RAB7A: variants seen among roughly 807,000 people sequenced by gnomAD.
RAB7A encodes ras-related protein Rab-7a.
In RAB7A, 2 loss-of-function variants were observed where a neutral mutation model predicts 24.5. The observed-to-expected ratio is 0.08, with a 90% CI of 0.03 to 0.26. The LOEUF (loss-of-function observed/expected upper bound fraction) is 0.26, where lower values mean the gene tolerates loss of function less well. Ranked by LOEUF, RAB7A falls within the 10% of genes least tolerant of loss-of-function variation. The pLI, the probability that RAB7A is intolerant of heterozygous loss-of-function variation, is 1.00. For synonymous variants in RAB7A, 100 were observed against 95.9 expected, an observed-to-expected ratio of 1.04 and a Z score of -0.25; for missense variants, 118 against 255.7, an observed-to-expected ratio of 0.46 and a Z score of 3.67.
rs553140530 is a variant in RAB7A at position 128,800,197 on chromosome 3, A to G, written c.180+2128A>G. ...TTAAGAGCAACTATAGAAAAAAAAG[A>G]CATGACTTATAAAGGAACAACAGAC... is the stretch of plus-strand genomic sequence containing the variant. On this transcript the variant is annotated intron_variant, in intron 3 of 5. Coordinates refer to ENST00000265062, the MANE Select transcript of RAB7A (RefSeq NM_004637.6). Among the ~76,000 whole-genome samples the G allele has an allele frequency of 3.3e-5, 5 of 152,368 alleles. No homozygotes were observed. In the Middle Eastern group the frequency reaches 0.014, roughly 415 times the overall value.
intron 3 of RAB7A, among the ~76,000 whole-genome samples, chr3:128,799,692 A>G (rs900034658): frequency 6.6e-6 from 1 of 152,236 alleles, no homozygotes; most frequent in African/African-American, 2.4e-5. Flanking sequence ...AAGCAAGTCA[A>G]GCTTGAGAGT....
intron 4 of RAB7A, among the ~76,000 whole-genome samples, chr3:128,807,252 G>T (rs1367544519): frequency 6.6e-6 from 1 of 152,196 alleles, no homozygotes; most frequent in Non-Finnish European, 1.5e-5. Context: ...TCCCGGACTG[G>T]CTTCTTACTC....
chr3:128,748,221 CCTT>C lies in RAB7A; in HGVS notation c.-9+21865_-9+21867del, dbSNP rs1161355719. 4.6e-5 allele frequency among the ~76,000 whole-genome samples: 7 copies of C among 152,286 alleles called. No individual in the cohort carries two copies. The East Asian group carries it at 9.7e-4, about 21-fold the overall frequency. ...AGATTATCGTTGGGGACAGGTGACTCCTTCTGGGTTTCCTCCACTGCTGCTGGT... is the reference window on the plus strand; with the variant it reads ...AGATTATCGTTGGGGACAGGTGACTCCTGGGTTTCCTCCACTGCTGCTGGT... On this transcript the variant is annotated intron_variant, in intron 1 of 5. Transcript: ENST00000265062.
intron 1 of RAB7A, among the ~76,000 whole-genome samples, chr3:128,745,291 T>C (rs986838771): frequency 1.3e-5 from 2 of 152,238 alleles, no homozygotes; most frequent in Non-Finnish European, 2.9e-5. Flanking sequence ...ACAGCAAAAT[T>C]AGATGTGACC....
intron 1 of RAB7A, among the ~76,000 whole-genome samples, chr3:128,778,944 A>G (rs114510414): frequency 6.6e-6 from 1 of 152,240 alleles, no homozygotes; most frequent in Non-Finnish European, 1.5e-5. Context: ...AGAACTACAC[A>G]GAGACAGAAT....
intron 3 of RAB7A, among the ~76,000 whole-genome samples, chr3:128,800,961 G>A (rs372014960): frequency 6.6e-6 from 1 of 152,182 alleles, no homozygotes; most frequent in Non-Finnish European, 1.5e-5. Flanking sequence ...CTGCACAAAG[G>A]CGTCATTATC....
chr3:128,813,191 G>A, intron 5 of RAB7A, 136 bp from the exon 6 acceptor site: 1 of 833,068 alleles, frequency 1.2e-6, no homozygotes, highest in South Asian at 1.3e-5. Context: ...AACTGTGTGG[G>A]CAGGCTCTGC....
At chr3:128,740,617 C>G (rs764164862) in intron 1 of RAB7A, among the ~76,000 whole-genome samples, 1 of 151,824 alleles carries the variant, frequency 6.6e-6, no homozygotes, top group Non-Finnish European at 1.5e-5. Flanking sequence ...TTTGGCCAGG[C>G]CTGGTGGGTC....
At chr3:128,753,372 G>A (rs1217848175) in intron 1 of RAB7A, among the ~76,000 whole-genome samples, 2 of 150,042 alleles carry the variant, frequency 1.3e-5, no homozygotes, top group East Asian at 4.0e-4. Context: ...GAAGGGGGGG[G>A]AAAAAGAATG....
chr3:128,759,637 C>T (rs373427335), intron 1 of RAB7A, among the ~76,000 whole-genome samples: 3 of 152,140 alleles, frequency 2.0e-5, no homozygotes, highest in African/African-American at 4.8e-5. Context: ...TTTGCTTGGG[C>T]GTTACAACAC....
intron 2 of RAB7A, among the ~76,000 whole-genome samples, chr3:128,795,713 T>C (rs1455113159): frequency 1.4e-5 from 2 of 147,666 alleles, no homozygotes; most frequent in Non-Finnish European, 3.0e-5. Flanking sequence ...CTTCCTTACG[T>C]AGATGTATTG....
intron 3 of RAB7A, chr3:128,798,822 A>AC: frequency 2.0e-5 from 1 of 49,426 alleles, no homozygotes; most frequent in South Asian, 4.9e-4. Flanking sequence ...CTCTAAATTT[A>AC]AAAAAAAAAA....
At chr3:128,805,636 T>C (rs1933786988) in intron 3 of RAB7A, among the ~76,000 whole-genome samples, 1 of 152,212 alleles carries the variant, frequency 6.6e-6, no homozygotes, top group African/African-American at 2.4e-5. Context: ...TGCTAATCTT[T>C]TTTGTTGTTT....
intron 3 of RAB7A, among the ~76,000 whole-genome samples, chr3:128,799,417 A>C (rs531979101): frequency 6.6e-6 from 1 of 152,126 alleles, no homozygotes. Context: ...GTTCTTTCCT[A>C]TGTGCTTCTA....
intron 1 of RAB7A, among the ~76,000 whole-genome samples, chr3:128,757,105 A>G (rs1559784479): frequency 2.6e-5 from 4 of 152,050 alleles, no homozygotes; most frequent in Admixed American, 2.6e-4. Context: ...TCCACCTCCC[A>G]AAGTGCTGGG....
chr3:128,745,923 C>A (rs868147017), intron 1 of RAB7A, among the ~76,000 whole-genome samples: 1 of 152,252 alleles, frequency 6.6e-6, no homozygotes, highest in Non-Finnish European at 1.5e-5. Flanking sequence ...GGTCACACAG[C>A]AATGTGGGCT....
In RAB7A at chr3:128,750,769, G is replaced by A. The variant is rs192126069; in HGVS notation, c.-9+24410G>A. On this transcript the variant is annotated intron_variant, in intron 1 of 5. Coordinates refer to ENST00000265062, the MANE Select transcript of RAB7A (RefSeq NM_004637.6). ...CTGAATGTTAACTCCCAAGACAATG[G>A]GGAAAATGTCTCCAGGGCATGTCAG... Among the ~76,000 whole-genome samples the A allele has an allele frequency of 4.2e-4, 64 of 152,362 alleles. 1 individual carries two copies. The highest frequency in any genetic ancestry group is 1.4e-3 in the African/African-American group (58 of 41,596).
At chr3:128,774,102 A>G (rs1329130648) in intron 1 of RAB7A, among the ~76,000 whole-genome samples, 2 of 150,834 alleles carry the variant, frequency 1.3e-5, no homozygotes, top group Non-Finnish European at 3.0e-5. Context: ...AAAAGAAAAA[A>G]AATTTTTTTA....
At chr3:128,758,586 GTTTT>G (rs1022648749) in intron 1 of RAB7A, among the ~76,000 whole-genome samples, 1 of 152,020 alleles carries the variant, frequency 6.6e-6, no homozygotes, top group Non-Finnish European at 1.5e-5. Flanking sequence ...CCTGCGTTTG[GTTTT>G]TTAATTCTGC....
Sources: gnomAD v4.1 joint callset for allele counts (sites outside exome capture counted in the v4.1 genomes callset) on GRCh38, gnomAD v4.1.1 for gene constraint, MANE v1.5 for transcripts, NCBI Gene and HGNC (gene_info 2026-07-23, HGNC 2026-07-21) for gene names.